CDC73: variants seen among roughly 807,000 people sequenced by gnomAD.
CDC73 encodes cell division cycle 73.
Under a neutral mutation model 83.7 loss-of-function variants are expected in CDC73, and 21 were observed. The ratio of observed to expected loss-of-function variants is 0.25; its 90% CI spans 0.18 to 0.36. CDC73 has a LOEUF of 0.36. Among genes scored for constraint, CDC73 ranks in the 10% least tolerant of loss-of-function variants. The probability of loss-of-function intolerance (pLI) is 1.00; values close to 1 mark genes in which losing one functional copy is unlikely to be tolerated. For synonymous variants in CDC73, 224 were observed against 212.9 expected, an observed-to-expected ratio of 1.05 and a Z score of -0.45; for missense variants, 342 against 653.3, an observed-to-expected ratio of 0.52 and a Z score of 5.19.
chr1:193,180,254 A>G, intron 10 of CDC73: 1 of 1,503,614 alleles, frequency 6.7e-7, no homozygotes, highest in Non-Finnish European at 8.9e-7. Context: ...TGCTTTTAGC[A>G]ATATTTACAA....
chr1:193,147,792 T>G, intron 7 of CDC73, 75 bp from the exon 8 acceptor site: 2 of 834,450 alleles, frequency 2.4e-6, no homozygotes, highest in Admixed American at 4.0e-5. Flanking sequence ...GTAAGATAAC[T>G]TAGTCTTAAA....
intron 10 of CDC73, among the ~76,000 whole-genome samples, chr1:193,201,077 G>C (rs906486193): frequency 1.0e-5 from 1 of 96,932 alleles, no homozygotes; most frequent in Non-Finnish European, 2.2e-5. Context: ...ATAACTCTTT[G>C]TATGTGTATT....
intron 11 of CDC73, among the ~76,000 whole-genome samples, chr1:193,209,694 T>G (rs1300013669): frequency 6.6e-6 from 1 of 152,208 alleles, no homozygotes; most frequent in Non-Finnish European, 1.5e-5. Context: ...CTCTAAACTT[T>G]ATTTTTAACA....
At chr1:193,184,642 CTTTTG>C (rs932029297) in intron 10 of CDC73, among the ~76,000 whole-genome samples, 5 of 151,854 alleles carry the variant, frequency 3.3e-5, no homozygotes, top group African/African-American at 4.8e-5. Flanking sequence ...AAAACTTACA[CTTTTG>C]TTTTGAGATG....
intron 6 of CDC73, among the ~76,000 whole-genome samples, chr1:193,140,392 C>G (rs141417707): frequency 0.012 from 1,857 of 152,220 alleles, 18 homozygotes; most frequent in South Asian, 0.034. Flanking sequence ...ACGGTAGTCC[C>G]CCATCCACCC....
At chr1:193,205,760 C>A (rs1677178725) in intron 11 of CDC73, among the ~76,000 whole-genome samples, 1 of 152,028 alleles carries the variant, frequency 6.6e-6, no homozygotes, top group African/African-American at 2.4e-5. Flanking sequence ...ATAATAGGCT[C>A]TTGTCCAGAA....
chr1:193,170,646 G>C (rs1045711324), intron 10 of CDC73, among the ~76,000 whole-genome samples: 1 of 150,476 alleles, frequency 6.6e-6, no homozygotes, highest in East Asian at 1.9e-4. Context: ...TTGTTTATTT[G>C]TTTAAGTTCC....
At chr1:193,163,928 G>A (rs149705694) in intron 10 of CDC73, among the ~76,000 whole-genome samples, 1,858 of 152,072 alleles carry the variant, frequency 0.012, 18 homozygotes, top group South Asian at 0.034. Context: ...ACAGGTGCCC[G>A]CCACCACACC....
intron 13 of CDC73, among the ~76,000 whole-genome samples, chr1:193,222,516 T>C (rs74130935): frequency 0.055 from 8,417 of 152,288 alleles, 546 homozygotes; most frequent in African/African-American, 0.16. Context: ...AATACTACTC[T>C]ACTGTCTTCT....
intron 6 of CDC73, among the ~76,000 whole-genome samples, chr1:193,140,390 C>T (rs1157574797): frequency 3.9e-5 from 6 of 152,098 alleles, no homozygotes; most frequent in African/African-American, 1.2e-4. Flanking sequence ...GTACGGTAGT[C>T]CCCCATCCAC....
intron 15 of CDC73, among the ~76,000 whole-genome samples, chr1:193,239,496 G>A (rs774679973): frequency 7.2e-5 from 11 of 152,036 alleles, no homozygotes; most frequent in Non-Finnish European, 1.3e-4. Flanking sequence ...GCATAAAATT[G>A]CCAAATAAAA....
At position 193,251,077 on chromosome 1, in the gene CDC73, C is replaced by G. The variant is rs771545477; in HGVS notation, c.*365C>G. On this transcript the variant is annotated 3_prime_UTR_variant, in exon 17 of 17. Transcript: ENST00000367435. ...TCTGATTTTTCATTGCTCTATAATT[C>G]TTTTTACTGAAAATACTATGTTATG... 5.1e-5 allele frequency: 15 copies of G among 292,942 alleles called. No homozygotes were observed. Among genetic ancestry groups the G allele is most frequent in the Non-Finnish European group, 9.0e-5 (14 of 155,098 alleles). 18.1% of individuals were successfully genotyped at this position (292,942 alleles called of 1,614,324 possible). A position where few individuals can be genotyped will look rare whatever the true frequency, so the allele number is the denominator to read the frequency against.
At chr1:193,142,169 G>T (rs1485079268) in intron 7 of CDC73, 103 bp downstream of exon 7, 4 of 939,060 alleles carry the variant, frequency 4.3e-6, no homozygotes, top group Non-Finnish European at 6.8e-6. Flanking sequence ...TTAGGTGGAA[G>T]TTTCAAGTTT....
chr1:193,131,383 C>T (rs1675690638), intron 3 of CDC73, among the ~76,000 whole-genome samples: 1 of 152,188 alleles, frequency 6.6e-6, no homozygotes, highest in South Asian at 2.1e-4. Context: ...AGTATGACAA[C>T]TTCTTACCAT....
intron 10 of CDC73, chr1:193,181,243 T>C (rs1676710003): frequency 6.2e-7 from 1 of 1,613,958 alleles, no homozygotes; most frequent in Non-Finnish European, 8.5e-7. Flanking sequence ...TGTAACTCCT[T>C]GTGGTGACAG....
intron 10 of CDC73, among the ~76,000 whole-genome samples, chr1:193,177,245 C>T (rs922069840): frequency 9.3e-5 from 14 of 150,440 alleles, no homozygotes; most frequent in East Asian, 2.0e-4. Flanking sequence ...GATCCTCGGC[C>T]GGGCGCGGTG....
At chr1:193,225,484 C>A (rs1040811022) in intron 13 of CDC73, among the ~76,000 whole-genome samples, 5 of 152,090 alleles carry the variant, frequency 3.3e-5, no homozygotes, top group African/African-American at 1.2e-4. Context: ...AATCTCCACA[C>A]TGTTTTCCAT....
intron 10 of CDC73, among the ~76,000 whole-genome samples, chr1:193,155,471 A>G (rs1676192026): frequency 6.6e-6 from 1 of 152,182 alleles, no homozygotes; most frequent in South Asian, 2.1e-4. Context: ...CTTGGGTTCT[A>G]TAATGTTTAA....
chr1:193,153,701 A>G (rs1676159932), intron 10 of CDC73, among the ~76,000 whole-genome samples: 2 of 152,202 alleles, frequency 1.3e-5, no homozygotes, highest in Non-Finnish European at 2.9e-5. Context: ...TTAAATTGTC[A>G]TCAGATTTGT....
Sources: gnomAD v4.1 joint callset for allele counts (sites outside exome capture counted in the v4.1 genomes callset) on GRCh38, gnomAD v4.1.1 for gene constraint, MANE v1.5 for transcripts, NCBI Gene and HGNC (gene_info 2026-07-23, HGNC 2026-07-21) for gene names.